Variants in TARS3 observed in about 807,000 individuals in gnomAD.
TARS3 encodes the protein threonyl-tRNA synthetase 3, also known as threonine--tRNA ligase 2, cytoplasmic.
In TARS3, 94 loss-of-function variants were observed where a neutral mutation model predicts 103.5. That is an observed-to-expected ratio of 0.91 (90% CI 0.77 to 1.08). The LOEUF (loss-of-function observed/expected upper bound fraction) is 1.08. Among genes scored for constraint, TARS3 ranks in the 50% least tolerant of loss-of-function variants. The probability of loss-of-function intolerance (pLI) is 0.00; values close to 1 mark genes in which losing one functional copy is unlikely to be tolerated. For missense variants in TARS3, 952 were observed against 995.2 expected, an observed-to-expected ratio of 0.96 and a Z score of 0.58; for synonymous variants, 416 against 355.4, an observed-to-expected ratio of 1.17 and a Z score of -1.92.
chr15:101,717,318 T>C (rs1040840996), intron 3 of TARS3, among the ~76,000 whole-genome samples: 1 of 152,234 alleles, frequency 6.6e-6, no homozygotes, highest in African/African-American at 2.4e-5. Context: ...ATAGGGATTA[T>C]AGGACCTTCC....
intron 13 of TARS3, among the ~76,000 whole-genome samples, chr15:101,675,230 G>A (rs1567330326): frequency 6.6e-6 from 1 of 152,188 alleles, no homozygotes; most frequent in Non-Finnish European, 1.5e-5. Context: ...TCTAGACCAT[G>A]CAGCCCTGGG....
chr15:101,685,714 A>G (rs1016143462), intron 11 of TARS3, among the ~76,000 whole-genome samples, 182 bp downstream of exon 11: 6 of 152,254 alleles, frequency 3.9e-5, no homozygotes, highest in African/African-American at 1.4e-4. Context: ...CATACCTGCC[A>G]AAGATCAAAT....
chr15:101,674,516 T>C (rs537814775), intron 13 of TARS3, among the ~76,000 whole-genome samples: 40 of 152,254 alleles, frequency 2.6e-4, no homozygotes, highest in African/African-American at 8.2e-4. Flanking sequence ...CCACAGTGCA[T>C]GAACAGTGCT....
chr15:101,655,909 C>G, intron 18 of TARS3: 1 of 1,289,226 alleles, frequency 7.8e-7, no homozygotes, highest in Non-Finnish European at 1.0e-6. Context: ...GCGAGCCAGC[C>G]AGAACTTTCT....
At chr15:101,657,978 C>T (rs1596278271) in intron 16 of TARS3, 121 bp from the exon 17 acceptor site, 2 of 592,590 alleles carry the variant, frequency 3.4e-6, no homozygotes, top group East Asian at 6.3e-5. Flanking sequence ...AGTAGCGCAG[C>T]ATGGAAGAAA....
intron 10 of TARS3, among the ~76,000 whole-genome samples, chr15:101,689,177 G>A (rs949259351): frequency 6.6e-6 from 1 of 152,068 alleles, no homozygotes; most frequent in Non-Finnish European, 1.5e-5. Context: ...ACCCTTGATC[G>A]CAATTACTGG....
chr15:101,721,218 T>C lies in TARS3; in HGVS notation c.474A>G (p.Thr158=). 6.2e-7 allele frequency: 1 copy of C among 1,614,142 alleles called. No homozygotes were observed. Among genetic ancestry groups the C allele is most frequent in the South Asian group, 1.1e-5 (1 of 91,084 alleles). ...LLAIYGKKGD[T]SNIITVRVAD... ...CCACTCTTACTGTGATGATGTTGCT[T>C]GTATCCCCCTTTTTTCCATAAATGG... is the stretch of plus-strand genomic sequence containing the variant. The change falls in exon 3 of 19, where the codon ACA becomes ACG. Residue 158 remains threonine, a synonymous_variant. Coordinates refer to ENST00000335968, the MANE Select transcript of TARS3 (RefSeq NM_152334.3).
intron 2 of TARS3, among the ~76,000 whole-genome samples, chr15:101,722,882 T>A (rs142251866): frequency 6.6e-6 from 1 of 152,040 alleles, no homozygotes; most frequent in East Asian, 1.9e-4. Context: ...TAGCACAACT[T>A]AAATAGATTA....
intron 10 of TARS3, among the ~76,000 whole-genome samples, chr15:101,700,380 G>C (rs866614880): frequency 6.6e-6 from 1 of 152,162 alleles, no homozygotes; most frequent in Non-Finnish European, 1.5e-5. Flanking sequence ...TCATGCTATA[G>C]GCAAAGGGAA....
intron 16 of TARS3, among the ~76,000 whole-genome samples, chr15:101,659,197 G>C (rs1012108878): frequency 1.1e-4 from 16 of 152,334 alleles, no homozygotes; most frequent in African/African-American, 3.1e-4. Flanking sequence ...TCCGCTGTGG[G>C]ACATGTTTGC....
intron 13 of TARS3, among the ~76,000 whole-genome samples, chr15:101,673,116 C>T (rs573749441): frequency 6.6e-6 from 1 of 152,298 alleles, no homozygotes; most frequent in African/African-American, 2.4e-5. Context: ...TTTCAATGCT[C>T]ACCTCAGTGA....
intron 18 of TARS3, among the ~76,000 whole-genome samples, chr15:101,655,247 A>G (rs59179431): frequency 0.052 from 5,890 of 114,224 alleles, 299 homozygotes; most frequent in South Asian, 0.12. Context: ...CTAGGGTGCA[A>G]ATGAGAGGGG....
intron 11 of TARS3, among the ~76,000 whole-genome samples, chr15:101,685,146 C>T (rs755833052): frequency 2.6e-5 from 4 of 152,024 alleles, no homozygotes; most frequent in Non-Finnish European, 5.9e-5. Context: ...GTTCAGTTAC[C>T]GGTTTTAATA....
At chr15:101,714,773 C>T (rs570325458) in intron 4 of TARS3, 67 bp downstream of exon 4, 52 of 1,426,662 alleles carry the variant, frequency 3.6e-5, no homozygotes, top group Admixed American at 6.9e-5. Context: ...CAATATGTGG[C>T]CTCTTATATA....
In TARS3 at chr15:101,724,307, C is replaced by T; in HGVS notation, c.81G>A (p.Ser27=). 1.3e-6 allele frequency: 2 copies of T among 1,570,826 alleles called. No homozygotes were observed. The highest frequency in any genetic ancestry group is 1.7e-6 in the Non-Finnish European group (2 of 1,165,158). Residue 27 remains serine (S), a synonymous_variant, in exon 1 of 19, where the codon TCG becomes TCA. Transcript: ENST00000335968. ...GCTCGTCCCTCAGGCGCTCGACCTC[C>T]GACCACAGCCAGCGGATGTCCTCCT... ...RQEEDIRWLW[S]EVERLRDEQL...
In TARS3 at chr15:101,681,270, A is replaced by G. The variant is rs192313500; in HGVS notation, c.1650+2805T>C. Among the ~76,000 whole-genome samples, 437 of 152,294 alleles carry G rather than the reference A, an allele frequency of 2.9e-3. 2 individuals are homozygous for G. Among genetic ancestry groups the G allele is most frequent in the African/African-American group, 9.9e-3 (412 of 41,552 alleles). On this transcript the variant is annotated intron_variant, in intron 12 of 18. Transcript: ENST00000335968. ...GCTATTCTAGGTTCTTGTGCTTTCT[A>G]TACGAATTTTAGAATCAGCATGTCA...
intron 13 of TARS3, among the ~76,000 whole-genome samples, chr15:101,672,157 G>A (rs1187130532): frequency 6.6e-6 from 1 of 152,074 alleles, no homozygotes; most frequent in South Asian, 2.1e-4. Context: ...TCTGAGTCTG[G>A]GTGGGTAAGA....
At chr15:101,659,155 TA>T (rs1287266647) in intron 16 of TARS3, among the ~76,000 whole-genome samples, 5 of 152,126 alleles carry the variant, frequency 3.3e-5, no homozygotes, top group Non-Finnish European at 5.9e-5. Context: ...TTTTCTAGAA[TA>T]AAAAAGATGG....
chr15:101,702,154 T>G, intron 9 of TARS3, 85 bp downstream of exon 9: 4 of 1,529,558 alleles, frequency 2.6e-6, no homozygotes, highest in Non-Finnish European at 3.6e-6. Flanking sequence ...AAATCTTATT[T>G]TTAAAGCAAC....
Sources: gnomAD v4.1 joint callset for allele counts (sites outside exome capture counted in the v4.1 genomes callset) on GRCh38, gnomAD v4.1.1 for gene constraint, MANE v1.5 for transcripts, NCBI Gene and HGNC (gene_info 2026-07-23, HGNC 2026-07-21) for gene names.